GNPNAT1: variants seen among roughly 807,000 people sequenced by gnomAD.
GNPNAT1 encodes glucosamine-phosphate N-acetyltransferase 1.
A neutral mutation model predicts 19.8 loss-of-function variants in GNPNAT1; 11 were observed. The ratio of observed to expected loss-of-function variants is 0.56; its 90% CI spans 0.35 to 0.92. The LOEUF is 0.92. Among genes scored for constraint, GNPNAT1 ranks in the 40% least tolerant of loss-of-function variants. The probability of loss-of-function intolerance (pLI) is 0.01; values close to 1 mark genes in which losing one functional copy is unlikely to be tolerated. For missense variants in GNPNAT1, 157 were observed against 211.0 expected, an observed-to-expected ratio of 0.74 and a Z score of 1.59; for synonymous variants, 71 against 72.3, an observed-to-expected ratio of 0.98 and a Z score of 0.09.
chr14:52,777,486 G>GA lies in GNPNAT1; in HGVS notation c.*824dup, dbSNP rs1430411802. 1 of 151,676 alleles carries GA rather than the reference G, an allele frequency of 6.6e-6. No individual in the cohort carries two copies. The highest frequency in any genetic ancestry group is 1.5e-5 in the Non-Finnish European group (1 of 67,896). 9.4% of individuals were successfully genotyped at this position (151,676 alleles called of 1,614,324 possible). A position where few individuals can be genotyped will look rare whatever the true frequency, so the allele number is the denominator to read the frequency against. ...CTCAATTTTGTGATACTCCATTTTT[G>GA]AAAAAACTTAGAGGCTTCAGATACC... On this transcript the variant is annotated 3_prime_UTR_variant, in exon 6 of 6. Coordinates refer to ENST00000216410, the MANE Select transcript of GNPNAT1 (RefSeq NM_198066.4).
Position 52,784,630 on chromosome 14 carries a change from A to G in GNPNAT1, c.21T>C (p.Pro7=). Residue 7 remains proline (P), a synonymous_variant, in exon 2 of 6, where the codon CCT becomes CCC. Coordinates refer to ENST00000216410, the MANE Select transcript of GNPNAT1 (RefSeq NM_198066.4). MKPDET[P]MFDPSLLKEV... ...CTTTGAGTAGACTTGGGTCAAACAT[A>G]GGAGTTTCATCAGGTTTCATTTTTC... is the stretch of plus-strand genomic sequence containing the variant. 1 of 1,572,284 alleles carries G rather than the reference A, an allele frequency of 6.4e-7. No homozygotes were observed. Among genetic ancestry groups the G allele is most frequent in the Non-Finnish European group, 8.6e-7 (1 of 1,159,028 alleles).
chr14:52,783,862 T>C (rs1882950384), intron 2 of GNPNAT1, among the ~76,000 whole-genome samples: 1 of 152,158 alleles, frequency 6.6e-6, no homozygotes, highest in South Asian at 2.1e-4. Flanking sequence ...AATACAATAT[T>C]CGTAAATTAA....
chr14:52,786,110 G>GC (rs1302937020), intron 1 of GNPNAT1, among the ~76,000 whole-genome samples: 1 of 149,592 alleles, frequency 6.7e-6, no homozygotes, highest in African/African-American at 2.5e-5. Context: ...TGATGAACAG[G>GC]CTCAAATTAA....
chr14:52,780,090 A>G (rs1326223925), intron 5 of GNPNAT1, among the ~76,000 whole-genome samples: 1 of 152,134 alleles, frequency 6.6e-6, no homozygotes, highest in Non-Finnish European at 1.5e-5. Context: ...GCTTGAGCCC[A>G]GGAGGCTGAG....
intron 1 of GNPNAT1, 131 bp from the exon 2 acceptor site, chr14:52,784,795 C>T: frequency 2.4e-6 from 1 of 420,192 alleles, no homozygotes; most frequent in South Asian, 7.5e-5. Flanking sequence ...TTACTGCAAC[C>T]CAGCCTGAAT....
intron 2 of GNPNAT1, among the ~76,000 whole-genome samples, chr14:52,784,045 A>G (rs930473970): frequency 6.6e-5 from 10 of 152,298 alleles, no homozygotes; most frequent in Admixed American, 6.5e-4. Flanking sequence ...TAGCAAAGAG[A>G]TAATTGTGAA....
At chr14:52,783,785 C>G (rs566328634) in intron 2 of GNPNAT1, among the ~76,000 whole-genome samples, 2 of 152,190 alleles carry the variant, frequency 1.3e-5, no homozygotes, top group African/African-American at 4.8e-5. Flanking sequence ...ACATTAAGTT[C>G]AATGCAAAGG....
chr14:52,784,230 A>T (rs183393886), intron 2 of GNPNAT1, among the ~76,000 whole-genome samples: 2 of 152,324 alleles, frequency 1.3e-5, no homozygotes, highest in African/African-American at 4.8e-5. Context: ...ATCATACATG[A>T]TAATTTAATT....
intron 1 of GNPNAT1, among the ~76,000 whole-genome samples, chr14:52,787,095 A>C (rs1410146490): frequency 2.0e-5 from 3 of 151,916 alleles, no homozygotes; most frequent in African/African-American, 7.2e-5. Context: ...GCCCTCAATA[A>C]AGTTTCAAAT....
chr14:52,781,732 A>G (rs1882898457), intron 4 of GNPNAT1, 52 bp downstream of exon 4: 1 of 1,529,248 alleles, frequency 6.5e-7, no homozygotes, highest in Admixed American at 2.2e-5. Flanking sequence ...GGAAACTCAA[A>G]GTCAGTTGTG....
rs1566685609 is a variant in GNPNAT1, at chr14:52,775,557, A to C, written c.*2754T>G. On this transcript the variant is annotated 3_prime_UTR_variant, in exon 6 of 6. Coordinates refer to ENST00000216410, the MANE Select transcript of GNPNAT1 (RefSeq NM_198066.4). ...AAACATGAGACACAGTAAAAATGAT[A>C]AGTACCACCTCATTATACCTTTTCA... is the stretch of plus-strand genomic sequence containing the variant. 1 of 152,176 alleles carries C rather than the reference A, an allele frequency of 6.6e-6. No homozygotes were observed. 9.4% of individuals were successfully genotyped at this position (152,176 alleles called of 1,614,324 possible). A position where few individuals can be genotyped will look rare whatever the true frequency, so the allele number is the denominator to read the frequency against.
In GNPNAT1 at chr14:52,784,658, G is replaced by A. The variant is rs934343114; in HGVS notation, c.-8C>T. 6 of 1,470,184 alleles carry A rather than the reference G, an allele frequency of 4.1e-6. No homozygotes were observed. In the African/African-American group the frequency reaches 5.7e-5, roughly 14 times the overall value. 91.1% of individuals were successfully genotyped at this position (1,470,184 alleles called of 1,614,324 possible). On this transcript the variant is annotated 5_prime_UTR_variant, in exon 2 of 6. Coordinates refer to ENST00000216410, the MANE Select transcript of GNPNAT1 (RefSeq NM_198066.4). ...AGTTTCATCAGGTTTCATTTTTCTA[G>A]TAAGGTCTAAAATAAAAATTTGAAT... is the stretch of plus-strand genomic sequence containing the variant.
Position 52,778,363 on chromosome 14 carries a change from A to G in GNPNAT1, c.503T>C (p.Phe168Ser), listed in dbSNP as rs55940586. Reference protein sequence around the residue: ...LPQNVGFYKKFGYTVSEENYM... With the variant: ...LPQNVGFYKKSGYTVSEENYM... The stretch of plus-strand genomic sequence containing the variant: ...GTTTTCTTCAGATACAGTATATCCA[A>G]ACTTTTTATAGAAACCAACATTTTG... The change falls in exon 6 of 6, where the codon TTT (phenylalanine) becomes TCT (serine). Residue 168 changes from phenylalanine to serine, a missense_variant. Coordinates refer to ENST00000216410, the MANE Select transcript of GNPNAT1 (RefSeq NM_198066.4). 1.2e-6 allele frequency: 2 copies of G among 1,606,234 alleles called. No individual in the cohort carries two copies. Among genetic ancestry groups the G allele is most frequent in the African/African-American group, 1.3e-5 (1 of 74,482 alleles).
intron 2 of GNPNAT1, 24 bp from the exon 3 acceptor site, chr14:52,783,509 A>G (rs759896061): frequency 6.8e-7 from 1 of 1,462,052 alleles, no homozygotes; most frequent in Non-Finnish European, 9.6e-7. Context: ...ACAGATTTCA[A>G]ATTACGAGAA....
At chr14:52,787,025 A>G (rs1883039350) in intron 1 of GNPNAT1, among the ~76,000 whole-genome samples, 1 of 152,014 alleles carries the variant, frequency 6.6e-6, no homozygotes, top group Non-Finnish European at 1.5e-5. Flanking sequence ...AATTTTGTGC[A>G]TGGAAAAGTT....
chr14:52,790,369 T>C (rs1883142364), intron 1 of GNPNAT1, among the ~76,000 whole-genome samples: 1 of 152,256 alleles, frequency 6.6e-6, no homozygotes, highest in African/African-American at 2.4e-5. Context: ...GATTCCTTTA[T>C]ATTCATTTTA....
chr14:52,789,259 G>C (rs950152576), intron 1 of GNPNAT1, among the ~76,000 whole-genome samples: 7 of 152,178 alleles, frequency 4.6e-5, no homozygotes, highest in Non-Finnish European at 2.9e-5. Context: ...GATTACCACA[G>C]ATTACGTAGC....
intron 5 of GNPNAT1, among the ~76,000 whole-genome samples, 197 bp from the exon 6 acceptor site, chr14:52,778,655 TTTATC>T (rs1457550366): frequency 7.9e-5 from 12 of 152,094 alleles, no homozygotes; most frequent in African/African-American, 2.7e-4. Context: ...CAAATATACT[TTTATC>T]TAGTAATCTC....
In GNPNAT1 at chr14:52,784,479, C is replaced by A; in HGVS notation, c.154+18G>T. 6.6e-7 allele frequency: 1 copy of A among 1,510,542 alleles called. No homozygotes were observed. 93.6% of individuals were successfully genotyped at this position (1,510,542 alleles called of 1,614,324 possible). ...ATGGAAGGCTAACTCTAATTTTACACAGGATTTTGTACATTACCTCTATTT... is the reference window on the plus strand; with the variant it reads ...ATGGAAGGCTAACTCTAATTTTACAAAGGATTTTGTACATTACCTCTATTT... On this transcript the variant is annotated intron_variant, in intron 2 of 5. Transcript: ENST00000216410.
Sources: gnomAD v4.1 joint callset for allele counts (sites outside exome capture counted in the v4.1 genomes callset) on GRCh38, gnomAD v4.1.1 for gene constraint, MANE v1.5 for transcripts, NCBI Gene and HGNC (gene_info 2026-07-23, HGNC 2026-07-21) for gene names.